Variants in EPHA3 observed in about 807,000 individuals in gnomAD.
EPHA3 encodes the protein ephrin type-A receptor 3.
EPHA3 carries 42 observed loss-of-function variants against 107.1 expected under a neutral mutation model. The observed-to-expected ratio is 0.39, with a 90% CI of 0.31 to 0.51. EPHA3 has a LOEUF of 0.51. EPHA3 is among the 20% of genes least tolerant of loss of function. The pLI is 0.78. For missense variants in EPHA3, 1,183 were observed against 1,211.2 expected, an observed-to-expected ratio of 0.98 and a Z score of 0.35; for synonymous variants, 461 against 424.8, an observed-to-expected ratio of 1.09 and a Z score of -1.05.
chr3:89,206,351 T>C (rs775992578), intron 2 of EPHA3, among the ~76,000 whole-genome samples: 1 of 152,202 alleles, frequency 6.6e-6, no homozygotes, highest in Non-Finnish European at 1.5e-5. Flanking sequence ...CTGTTTGATG[T>C]CCAGTAAAAT....
At chr3:89,384,666 GA>G (rs1319998338) in intron 5 of EPHA3, among the ~76,000 whole-genome samples, 17 of 152,126 alleles carry the variant, frequency 1.1e-4, no homozygotes, top group African/African-American at 2.9e-4. Flanking sequence ...TACAATTGAT[GA>G]AAAAAAGAAA....
chr3:89,455,917 A>G (rs1231781176), intron 15 of EPHA3, among the ~76,000 whole-genome samples: 2 of 152,114 alleles, frequency 1.3e-5, no homozygotes, highest in Non-Finnish European at 2.9e-5. Flanking sequence ...GTGTCTGTGT[A>G]TTCTTTTTAA....
chr3:89,402,669 C>T (rs1192648219), intron 7 of EPHA3, among the ~76,000 whole-genome samples: 1 of 151,832 alleles, frequency 6.6e-6, no homozygotes, highest in African/African-American at 2.4e-5. Context: ...TTTTCCCTCT[C>T]GTTTTAATAT....
At chr3:89,179,382 A>G (rs770136552) in intron 2 of EPHA3, among the ~76,000 whole-genome samples, 1 of 152,068 alleles carries the variant, frequency 6.6e-6, no homozygotes, top group African/African-American at 2.4e-5. Context: ...AACTTTTATA[A>G]TTAGTTACCA....
intron 5 of EPHA3, among the ~76,000 whole-genome samples, chr3:89,357,814 T>TA (rs1324677823): frequency 1.3e-5 from 2 of 151,294 alleles, no homozygotes; most frequent in Non-Finnish European, 3.0e-5. Context: ...ATTGATATAG[T>TA]AAAAAACTTC....
chr3:89,219,688 G>GTGTTTTTTTTTTTT lies in EPHA3; in HGVS notation c.814+9169_814+9170insGTTTTTTTTTTTTT. On this transcript the variant is annotated intron_variant, in intron 3 of 16. Coordinates refer to ENST00000336596, the MANE Select transcript of EPHA3 (RefSeq NM_005233.6). ...TTACCTCCAAGAGGCATTTGGCAAT[G>GTGTTTTTTTTTTTT]TTTTTTTTTTTTTTGTTTTTTGTTT... is the stretch of plus-strand genomic sequence containing the variant. Among the ~76,000 whole-genome samples, 254 of 34,432 alleles carry GTGTTTTTTTTTTTT rather than the reference G, an allele frequency of 7.4e-3. 94 individuals are homozygous for GTGTTTTTTTTTTTT. The highest frequency in any genetic ancestry group is 0.036 in the Middle Eastern group (2 of 56). The allele number at this position is 34,432 out of a possible 152,430, so 22.6% of individuals were successfully genotyped here.
At chr3:89,257,196 G>T (rs1398260832) in intron 3 of EPHA3, among the ~76,000 whole-genome samples, 1 of 152,140 alleles carries the variant, frequency 6.6e-6, no homozygotes, top group Non-Finnish European at 1.5e-5. Flanking sequence ...TAGCAGCTCA[G>T]ACCAAAACAC....
In EPHA3 at chr3:89,438,033, G is replaced by A. The variant is rs192655160; in HGVS notation, c.2346+6674G>A. Among the ~76,000 whole-genome samples, 21 of 152,050 alleles carry A rather than the reference G, an allele frequency of 1.4e-4. No homozygotes were observed. The East Asian group carries it at 3.1e-3, about 22-fold the overall frequency. ...AATTTATTTGGCTTTTTAGATCTGT[G>A]ACTCTGCCATATTGATGCCAGATAT... is the stretch of plus-strand genomic sequence containing the variant. On this transcript the variant is annotated intron_variant, in intron 13 of 16. Coordinates refer to ENST00000336596, the MANE Select transcript of EPHA3 (RefSeq NM_005233.6).
chr3:89,444,509 T>C (rs996234349), intron 13 of EPHA3, among the ~76,000 whole-genome samples: 25 of 152,130 alleles, frequency 1.6e-4, no homozygotes, highest in African/African-American at 6.0e-4. Flanking sequence ...TCTTTTTATC[T>C]GATTTAGTAT....
intron 2 of EPHA3, among the ~76,000 whole-genome samples, chr3:89,147,006 A>G (rs1317514527): frequency 1.3e-5 from 2 of 152,054 alleles, no homozygotes; most frequent in East Asian, 3.9e-4. Context: ...CCATGCAGCC[A>G]TAGAAAAAAT....
At chr3:89,320,526 G>A (rs1171129628) in intron 3 of EPHA3, among the ~76,000 whole-genome samples, 1 of 151,950 alleles carries the variant, frequency 6.6e-6, no homozygotes, top group Non-Finnish European at 1.5e-5. Context: ...AATCCTGGGA[G>A]ATGAGTGCTA....
intron 15 of EPHA3, among the ~76,000 whole-genome samples, chr3:89,460,759 T>C (rs1334439247): frequency 1.4e-5 from 2 of 145,670 alleles, no homozygotes; most frequent in Admixed American, 6.9e-5. Context: ...AGTGAATAAA[T>C]ATGATACAGA....
intron 3 of EPHA3, among the ~76,000 whole-genome samples, chr3:89,313,749 T>A (rs534956684): frequency 4.6e-5 from 7 of 152,060 alleles, no homozygotes; most frequent in African/African-American, 1.7e-4. Context: ...AAAAGAGATA[T>A]ATTAGTGAAT....
intron 5 of EPHA3, among the ~76,000 whole-genome samples, chr3:89,344,619 G>A (rs1707601289): frequency 6.6e-6 from 1 of 152,066 alleles, no homozygotes; most frequent in South Asian, 2.1e-4. Context: ...TTAATGGACT[G>A]GTAGCCTTGA....
chr3:89,447,383 T>G (rs1218434688), intron 13 of EPHA3, among the ~76,000 whole-genome samples: 1 of 152,130 alleles, frequency 6.6e-6, no homozygotes, highest in Non-Finnish European at 1.5e-5. Flanking sequence ...TCTGCACTGT[T>G]TCTTGCATTC....
At chr3:89,387,859 T>C (rs1458456799) in intron 5 of EPHA3, among the ~76,000 whole-genome samples, 1 of 152,176 alleles carries the variant, frequency 6.6e-6, no homozygotes, top group Non-Finnish European at 1.5e-5. Flanking sequence ...GATAAGATTA[T>C]AAATTATAAC....
intron 3 of EPHA3, among the ~76,000 whole-genome samples, chr3:89,239,091 A>G (rs1704835431): frequency 6.6e-6 from 1 of 152,174 alleles, no homozygotes; most frequent in African/African-American, 2.4e-5. Context: ...GTGATTAAAC[A>G]TCTTTAATCT....
chr3:89,130,986 G>A lies in EPHA3; in HGVS notation c.153+3713G>A, dbSNP rs999607988. Among the ~76,000 whole-genome samples, 119 of 152,170 alleles carry A rather than the reference G, an allele frequency of 7.8e-4. 1 individual carries two copies. Among genetic ancestry groups the A allele is most frequent in the Non-Finnish European group, 8.8e-5 (6 of 68,008 alleles). On this transcript the variant is annotated intron_variant, in intron 2 of 16. Coordinates refer to ENST00000336596, the MANE Select transcript of EPHA3 (RefSeq NM_005233.6). ...TCATATCTTAGAGAAAACCTTGTAG[G>A]GAGATATGATACTACATATATTATT...
intron 5 of EPHA3, among the ~76,000 whole-genome samples, chr3:89,367,942 A>G (rs1273430289): frequency 8.6e-5 from 13 of 150,626 alleles, no homozygotes; most frequent in Admixed American, 5.3e-4. Flanking sequence ...TTAGAATGCT[A>G]CTTCATATGC....
Sources: allele counts gnomAD v4.1 joint callset (sites outside exome capture counted in the v4.1 genomes callset), GRCh38; gene constraint gnomAD v4.1.1; transcripts MANE v1.5; gene names NCBI Gene and HGNC (gene_info 2026-07-23, HGNC 2026-07-21).